Variants in SEMA6A observed in about 807,000 individuals in gnomAD.
SEMA6A encodes semaphorin-6A.
In SEMA6A, 25 loss-of-function variants were observed where a neutral mutation model predicts 96.8. The ratio of observed to expected loss-of-function variants is 0.26; its 90% confidence interval spans 0.19 to 0.36. SEMA6A has a LOEUF of 0.36. Among genes scored for constraint, SEMA6A ranks in the 10% least tolerant of loss-of-function variants. The probability of loss-of-function intolerance (pLI) is 1.00; values close to 1 mark genes in which losing one functional copy is unlikely to be tolerated. For missense variants in SEMA6A, 1,363 were observed against 1,323.1 expected (o/e 1.03, Z -0.47); for synonymous variants, 612 against 518.0 (o/e 1.18, Z -2.46).
chr5:116,572,392 C>T (rs1166921127), intron 1 of SEMA6A, among the ~76,000 whole-genome samples: 3 of 152,224 alleles, frequency 2.0e-5, no homozygotes, highest in East Asian at 1.9e-4. Flanking sequence ...CGCGAAAAAG[C>T]CTGCAGGGCT....
At chr5:116,525,881 A>G (rs1362675023) in intron 1 of SEMA6A, among the ~76,000 whole-genome samples, 2 of 152,178 alleles carry the variant, frequency 1.3e-5, no homozygotes, top group Non-Finnish European at 2.9e-5. Flanking sequence ...TATTGTCTAT[A>G]TGAGCAAGGA....
rs1760619877 is a variant in SEMA6A, at chr5:116,556,667, C to A, written c.-39+17518G>T. ...ACTTTTAACTACTCTATCATAACACCCCTCTAGAAGAAAAGCTGACTTCCA... is the reference window on the plus strand; with the variant it reads ...ACTTTTAACTACTCTATCATAACACACCTCTAGAAGAAAAGCTGACTTCCA... On this transcript the variant is annotated intron_variant, in intron 1 of 18. Coordinates refer to ENST00000343348, the MANE Select transcript of SEMA6A (RefSeq NM_020796.5). Among the ~76,000 whole-genome samples, 4 of 152,114 alleles carry A rather than the reference C, an allele frequency of 2.6e-5. No individual in the cohort carries two copies. The South Asian group carries it at 6.2e-4, about 24-fold the overall frequency.
chr5:116,538,219 A>G (rs1006471869), intron 1 of SEMA6A, among the ~76,000 whole-genome samples: 8 of 152,054 alleles, frequency 5.3e-5, no homozygotes, highest in African/African-American at 1.9e-4. Context: ...CACACAAAAA[A>G]AACTTGGACC....
intron 3 of SEMA6A, chr5:116,498,381 A>G (rs1304700339): frequency 6.6e-6 from 1 of 152,230 alleles, no homozygotes; most frequent in East Asian, 1.9e-4. Context: ...GTGATAAGAA[A>G]GGAATTATTT....
intron 1 of SEMA6A, among the ~76,000 whole-genome samples, chr5:116,546,137 C>A (rs1161885067): frequency 6.6e-6 from 1 of 152,252 alleles, no homozygotes; most frequent in Non-Finnish European, 1.5e-5. Flanking sequence ...CCAAAGGCCA[C>A]TGAGATTAGG....
At chr5:116,504,626 C>T (rs1250138933) in intron 2 of SEMA6A, among the ~76,000 whole-genome samples, 1 of 152,178 alleles carries the variant, frequency 6.6e-6, no homozygotes, top group African/African-American at 2.4e-5. Context: ...TTACGAGGGG[C>T]GTTTCAAATC....
chr5:116,479,568 G>C (rs551485681), intron 12 of SEMA6A, among the ~76,000 whole-genome samples: 125 of 152,268 alleles, frequency 8.2e-4, no homozygotes, highest in Admixed American at 3.6e-3. Flanking sequence ...GAACTGCTTG[G>C]AAATAAGCTC....
chr5:116,470,107 C>A (rs976588750), intron 17 of SEMA6A, among the ~76,000 whole-genome samples: 4 of 152,132 alleles, frequency 2.6e-5, no homozygotes, highest in Admixed American at 6.5e-5. Flanking sequence ...CAATACCTGA[C>A]TCTCAAAAAT....
At chr5:116,557,659 A>G (rs201463256) in intron 1 of SEMA6A, among the ~76,000 whole-genome samples, 1 of 70,310 alleles carries the variant, frequency 1.4e-5, no homozygotes, top group Non-Finnish European at 4.4e-5. Flanking sequence ...TATGGCTTCA[A>G]TTCAGTCATT....
chr5:116,450,027 G>A (rs182908863), intron 18 of SEMA6A, among the ~76,000 whole-genome samples: 4 of 152,304 alleles, frequency 2.6e-5, no homozygotes, highest in Non-Finnish European at 1.5e-5. Flanking sequence ...ATGTGCTAAT[G>A]AAAATTTTCT....
intron 1 of SEMA6A, among the ~76,000 whole-genome samples, chr5:116,533,684 C>T (rs544748334): frequency 2.0e-5 from 3 of 152,342 alleles, no homozygotes; most frequent in African/African-American, 4.8e-5. Context: ...AGCAGCACCT[C>T]TCAGTATCCT....
chr5:116,543,326 C>G (rs1402706944), intron 1 of SEMA6A, among the ~76,000 whole-genome samples: 2 of 152,232 alleles, frequency 1.3e-5, no homozygotes, highest in African/African-American at 2.4e-5. Flanking sequence ...AAAAGGTTCT[C>G]TCCCACTTCA....
chr5:116,470,414 G>T (rs536638860), intron 17 of SEMA6A, among the ~76,000 whole-genome samples: 5 of 152,106 alleles, frequency 3.3e-5, no homozygotes, highest in Non-Finnish European at 5.9e-5. Flanking sequence ...AATCAATGGA[G>T]CTTATGCTTT....
At chr5:116,463,986 C>T (rs1261058220) in intron 18 of SEMA6A, among the ~76,000 whole-genome samples, 1 of 152,094 alleles carries the variant, frequency 6.6e-6, no homozygotes, top group Non-Finnish European at 1.5e-5. Context: ...AGTATTGTTA[C>T]TTTTGGTAAG....
chr5:116,484,620 C>G (rs999904757), intron 10 of SEMA6A, among the ~76,000 whole-genome samples: 2 of 147,592 alleles, frequency 1.4e-5, no homozygotes, highest in African/African-American at 5.0e-5. Context: ...GAGACTCCGT[C>G]TCAGGAAAAA....
At chr5:116,545,163 C>T (rs1185011877) in intron 1 of SEMA6A, among the ~76,000 whole-genome samples, 1 of 152,216 alleles carries the variant, frequency 6.6e-6, no homozygotes, top group Non-Finnish European at 1.5e-5. Flanking sequence ...CACTCTGGCT[C>T]ATATCCCTGC....
At chr5:116,513,253 G>A (rs1006791151) in intron 1 of SEMA6A, among the ~76,000 whole-genome samples, 6 of 152,020 alleles carry the variant, frequency 3.9e-5, no homozygotes, top group African/African-American at 1.5e-4. Context: ...CCAGCCTCCT[G>A]AGTAGCTGGG....
At chr5:116,559,808 C>A (rs1156623690) in intron 1 of SEMA6A, among the ~76,000 whole-genome samples, 1 of 152,194 alleles carries the variant, frequency 6.6e-6, no homozygotes, top group Non-Finnish European at 1.5e-5. Flanking sequence ...ATCCAACTGG[C>A]CTCAAATCCT....
intron 9 of SEMA6A, among the ~76,000 whole-genome samples, chr5:116,487,479 G>C (rs894603624): frequency 6.6e-6 from 1 of 151,414 alleles, no homozygotes; most frequent in African/African-American, 2.4e-5. Context: ...TTTGATTAAA[G>C]ATACTGCATA....
Sources: allele counts gnomAD v4.1 joint callset (sites outside exome capture counted in the v4.1 genomes callset), GRCh38; gene constraint gnomAD v4.1.1; transcripts MANE v1.5; gene names NCBI Gene and HGNC (gene_info 2026-07-23, HGNC 2026-07-21).